The following APOB variants were observed in gnomAD, a reference collection of about 807,000 sequenced individuals.
APOB encodes the protein apolipoprotein B.
A neutral mutation model predicts 314.1 loss-of-function variants in APOB; 153 were observed. The ratio of observed to expected loss-of-function variants is 0.49; its 90% CI spans 0.43 to 0.56. The LOEUF (loss-of-function observed/expected upper bound fraction) is 0.56, where lower values mean the gene tolerates loss of function less well. Ranked by LOEUF, APOB falls within the 20% of genes least tolerant of loss-of-function variation. The pLI is 0.00. For synonymous variants in APOB, 2,087 were observed against 2,036.4 expected (o/e 1.02, Z -0.67); for missense variants, 5,430 against 5,350.7 (o/e 1.01, Z -0.46).
rs527267881 is a variant in APOB, at chr2:21,016,001, A to C, written c.3332+438T>G. The stretch of plus-strand genomic sequence containing the variant: ...ACATGCGCAGAGGGTTAAAATGTTG[A>C]GAGCTTGGCCGGGTGCAGTGGCTTA... On this transcript the variant is annotated intron_variant, in intron 21 of 28. Coordinates refer to ENST00000233242, the MANE Select transcript of APOB (RefSeq NM_000384.3). Among the ~76,000 whole-genome samples the C allele has an allele frequency of 7.2e-5, 11 of 152,330 alleles. No individual in the cohort carries two copies. In the South Asian group the frequency reaches 2.3e-3, roughly 32 times the overall value.
chr2:21,027,977 A>G lies in APOB; in HGVS notation c.1918T>C (p.Tyr640His). 6.2e-7 allele frequency: 1 copy of G among 1,614,116 alleles called. No homozygotes were observed. Among genetic ancestry groups the G allele is most frequent in the Non-Finnish European group, 8.5e-7 (1 of 1,179,918 alleles). The part of the protein sequence containing the change: ...FRKFSRNYQL[Y>H]KSVSLPSLDP... ...AGTGATGGAAGAGAAACAGATTTGT[A>G]GAGTTGATAGTTCCGAGAGAATTTT... The change falls in exon 14 of 29, where the codon TAC becomes CAC. Residue 640 changes from tyrosine to histidine, a missense_variant. This residue lies in a region of APOB where 2,085 missense variants were observed against 2,079.7 expected (regional missense o/e 1.00). Coordinates refer to ENST00000233242, the MANE Select transcript of APOB (RefSeq NM_000384.3).
rs1305085221 is a variant in APOB at position 21,013,458 on chromosome 2, G to A, written c.3918C>T (p.Ser1306=). ...IEIPLPFGGK[S]SRDLKMLETV... ...TCTCTAACATCTTTAGATCTCTGGA[G>A]GATTTGCCACCAAAAGGCAAAGGAA... The change falls in exon 25 of 29, where the codon TCC becomes TCT. Residue 1306 remains serine, a synonymous_variant. Coordinates refer to ENST00000233242, the MANE Select transcript of APOB (RefSeq NM_000384.3). The A allele has an allele frequency of 6.2e-7, 1 of 1,614,186 alleles. No individual in the cohort carries two copies. Among genetic ancestry groups the A allele is most frequent in the Non-Finnish European group, 8.5e-7 (1 of 1,180,024 alleles).
At position 21,009,625 on chromosome 2, in the gene APOB, C is replaced by T. The variant is rs1318251389; in HGVS notation, c.7243G>A (p.Asp2415Asn). 6.2e-7 allele frequency: 1 copy of T among 1,613,784 alleles called. No homozygotes were observed. The change falls in exon 26 of 29, where the codon GAT (aspartate) becomes AAT (asparagine). Residue 2415 changes from aspartate to asparagine, a missense_variant. Physicochemically the swap from Asp to Asn is conservative, Grantham distance 23. Transcript: ENST00000233242. ...NELSFKTFIE[D>N]VNKFLDMLIK... Reference sequence around the variant, plus strand: ...AACATGTCAAGGAATTTGTTAACATCTTCAATGAATGTTTTAAAAGATAAT... The same window carrying T: ...AACATGTCAAGGAATTTGTTAACATTTTCAATGAATGTTTTAAAAGATAAT...
rs935727658 is a variant in APOB at position 21,043,928 on chromosome 2, G to A, written c.18C>T (p.Pro6=). The change falls in exon 1 of 29, where the codon CCC becomes CCT. Residue 6 remains proline (P), a synonymous_variant. Transcript: ENST00000233242. ...GCAGCGCCAGCAGCGCCAGCAGCGC[G>A]GGCCTCGGCGGGTCCATCGCCAGCT... MDPPR[P]ALLALLALPA... 7.8e-7 allele frequency: 1 copy of A among 1,285,418 alleles called. No homozygotes were observed. 79.6% of individuals were successfully genotyped at this position (1,285,418 alleles called of 1,614,324 possible).
rs528903704 is a variant in APOB, at chr2:21,036,990, ACAGC to A, written c.693+106_693+109del. The A allele has an allele frequency of 7.0e-4, 978 of 1,397,956 alleles. 2 individuals carry two copies. The highest frequency in any genetic ancestry group is 1.7e-3 in the Middle Eastern group (7 of 4,166). The allele number at this position is 1,397,956 out of a possible 1,614,324, so 86.6% of individuals were successfully genotyped here. On this transcript the variant is annotated intron_variant, in intron 6 of 28. Coordinates refer to ENST00000233242, the MANE Select transcript of APOB (RefSeq NM_000384.3). ...GTCCTATCTCTAGTCTGTATAAAAAACAGCCAGGGCAGGCTGTCCTCAAAGGTGC... is the reference window on the plus strand; with the variant it reads ...GTCCTATCTCTAGTCTGTATAAAAAACAGGGCAGGCTGTCCTCAAAGGTGC...
chr2:21,042,587 C>T (rs1232261779), intron 2 of APOB, 111 bp from the exon 3 acceptor site: 2 of 786,858 alleles, frequency 2.5e-6, no homozygotes, highest in Non-Finnish European at 4.5e-6. Context: ...GGTAATTCAA[C>T]TCAAATTATT....
At chr2:21,029,812 C>T in intron 11 of APOB, 27 bp from the exon 12 acceptor site, 1 of 1,613,824 alleles carries the variant, frequency 6.2e-7, no homozygotes. Flanking sequence ...AAACAAGAAC[C>T]CATCAGGGTG....
chr2:21,007,541 G>T lies in APOB; in HGVS notation c.9327C>A (p.Asn3109Lys). ...NQNFSAGNNE[N>K]IMEAHVGING... ...TTATTCCTACATGGGCCTCCATAATGTTCTCGTTGTTTCCAGCAGAGAAAT... is the reference window on the plus strand; with the variant it reads ...TTATTCCTACATGGGCCTCCATAATTTTCTCGTTGTTTCCAGCAGAGAAAT... The change falls in exon 26 of 29, where the codon AAC becomes AAA. Residue 3109 changes from asparagine to lysine, a missense_variant. Asn to Lys is a moderately conservative substitution (Grantham distance 94). Around this residue, in one of 3 missense-constraint regions of APOB, gnomAD observed 3,281 missense variants for 3,171.0 expected, o/e 1.03. Transcript: ENST00000233242. 1 of 1,614,020 alleles carries T rather than the reference G, an allele frequency of 6.2e-7. No homozygotes were observed. Among genetic ancestry groups the T allele is most frequent in the Non-Finnish European group, 8.5e-7 (1 of 1,179,944 alleles).
chr2:21,035,188 A>G (rs896241277), intron 7 of APOB, among the ~76,000 whole-genome samples: 1 of 152,208 alleles, frequency 6.6e-6, no homozygotes, highest in Admixed American at 6.5e-5. Context: ...CTTCCACAAC[A>G]TAGAGCCAAG....
Position 21,029,919 on chromosome 2 carries a change from A to C in APOB, c.1449T>G (p.Asp483Glu). 1.2e-6 allele frequency: 2 copies of C among 1,613,646 alleles called. No individual in the cohort carries two copies. The highest frequency in any genetic ancestry group is 1.7e-6 in the Non-Finnish European group (2 of 1,179,648). ...TTACCCGCAGAATCAAATAGGTGTAATCTTCATCCCCAGTGCAGTCATCTT... is the reference window on the plus strand; with the variant it reads ...TTACCCGCAGAATCAAATAGGTGTACTCTTCATCCCCAGTGCAGTCATCTT... ...QIQDDCTGDEDYTYLILRVIG... is the reference protein window; with the variant it reads ...QIQDDCTGDEEYTYLILRVIG... Residue 483 changes from aspartate (D) to glutamate (E), a missense_variant, in exon 11 of 29, where the codon GAT (aspartate) becomes GAG (glutamate). By Grantham distance (45) the Asp-to-Glu change is conservative (BLOSUM62 2). Transcript: ENST00000233242.
intron 18 of APOB, among the ~76,000 whole-genome samples, chr2:21,020,954 A>G (rs751058695): frequency 1.3e-5 from 2 of 152,086 alleles, no homozygotes; most frequent in Non-Finnish European, 2.9e-5. Flanking sequence ...TGTCTTCTCC[A>G]TATTTCTGTC....
rs181882915 is a variant in APOB, at chr2:21,025,101, G to A, written c.2268C>T (p.Leu756=). ...HEQDMVNGIM[L]SVEKLIKDLK... ...AATCTTTAATCAGCTTCTCAACACTGAGCATTATTCCATTTACCATATCCT... is the reference window on the plus strand; with the variant it reads ...AATCTTTAATCAGCTTCTCAACACTAAGCATTATTCCATTTACCATATCCT... The change falls in exon 16 of 29, where the codon CTC becomes CTT. Residue 756 remains leucine, a synonymous_variant. Coordinates refer to ENST00000233242, the MANE Select transcript of APOB (RefSeq NM_000384.3). 4.2e-5 allele frequency: 68 copies of A among 1,614,144 alleles called. No homozygotes were observed. In the Admixed American group the frequency reaches 8.5e-4, roughly 20 times the overall value.
chr2:21,005,422 G>A lies in APOB; in HGVS notation c.11446C>T (p.Pro3816Ser). ...SLIPFFEITV[P>S]ESQLTVSQFT... Reference sequence around the variant, plus strand: ...TGGGACACAGTTAACTGAGATTCAGGCACGGTTATCTCAAAAAAGGGAATC... The same window carrying A: ...TGGGACACAGTTAACTGAGATTCAGACACGGTTATCTCAAAAAAGGGAATC... Residue 3816 changes from proline to serine, a missense_variant, in exon 26 of 29, where the codon CCT becomes TCT. Physicochemically the swap from Pro to Ser is moderately conservative, Grantham distance 74. Transcript: ENST00000233242. 1 of 1,614,012 alleles carries A rather than the reference G, an allele frequency of 6.2e-7. No homozygotes were observed. Among genetic ancestry groups the A allele is most frequent in the Non-Finnish European group, 8.5e-7 (1 of 1,179,954 alleles).
In APOB at chr2:21,003,113, C is replaced by G. The variant is rs574791609; in HGVS notation, c.12309G>C (p.Lys4103Asn). 12 of 1,603,404 alleles carry G rather than the reference C, an allele frequency of 7.5e-6. No homozygotes were observed. Among genetic ancestry groups the G allele is most frequent in the Admixed American group, 1.7e-5 (1 of 58,754 alleles). Reference sequence around the variant, plus strand: ...CATTGTTCTGCAGATTTCTTCTCAGCTTTGAAGACACTTCTCTCAGGGTGA... The same window carrying G: ...CATTGTTCTGCAGATTTCTTCTCAGGTTTGAAGACACTTCTCTCAGGGTGA... Reference protein sequence around the residue: ...TGLTLREVSSKLRRNLQNNAE... With the variant: ...TGLTLREVSSNLRRNLQNNAE... The change falls in exon 29 of 29, where the codon AAG becomes AAC. Residue 4103 changes from lysine (K) to asparagine (N), a missense_variant. Coordinates refer to ENST00000233242, the MANE Select transcript of APOB (RefSeq NM_000384.3).
rs756625161 is a variant in APOB at position 21,040,994 on chromosome 2, G to T, written c.327C>A (p.Gly109=). The change falls in exon 4 of 29, where the codon GGC becomes GGA. Residue 109 remains glycine, a synonymous_variant. Coordinates refer to ENST00000233242, the MANE Select transcript of APOB (RefSeq NM_000384.3). ...LKEVYGFNPE[G]KALLKKTKNS... ...TCTTGGTTTTCTTCAGCAAGGCTTT[G>T]CCCTCAGGGTTGAAGCCATACACCT... 10 of 1,613,942 alleles carry T rather than the reference G, an allele frequency of 6.2e-6. No homozygotes were observed. Among genetic ancestry groups the T allele is most frequent in the Non-Finnish European group, 7.6e-6 (9 of 1,179,980 alleles).
Position 21,009,346 on chromosome 2 carries a change from T to C in APOB, c.7522A>G (p.Met2508Val), listed in dbSNP as rs1206439836. 1.2e-6 allele frequency: 2 copies of C among 1,613,998 alleles called. No individual in the cohort carries two copies. Among genetic ancestry groups the C allele is most frequent in the Non-Finnish European group, 1.7e-6 (2 of 1,179,984 alleles). ...AGGGTCTCTCGGAATTTGGCCTTCA[T>C]GTGAGCCAAAGATGCTGAACTTAAA... ...EALSSASLAHMKAKFRETLED... is the reference protein window; with the variant it reads ...EALSSASLAHVKAKFRETLED... The change falls in exon 26 of 29, where the codon ATG (methionine) becomes GTG (valine). Residue 2508 changes from methionine to valine, a missense_variant. Coordinates refer to ENST00000233242, the MANE Select transcript of APOB (RefSeq NM_000384.3).
intron 15 of APOB, 36 bp from the exon 16 acceptor site, chr2:21,025,160 C>T (rs1306781525): frequency 6.3e-7 from 1 of 1,599,122 alleles, no homozygotes; most frequent in Non-Finnish European, 8.5e-7. Context: ...AGTGAGATGT[C>T]AGCAATGTCA....
chr2:21,016,668 G>A lies in APOB; in HGVS notation c.3122-19C>T. On this transcript the variant is annotated intron_variant, in intron 20 of 28. Transcript: ENST00000233242. ...TTCGCACCTGGACGAGTGTATAAGA[G>A]AATCAAGAGATGTGTGGTAAGAAGC... The A allele has an allele frequency of 6.7e-7, 1 of 1,495,670 alleles. No homozygotes were observed. The highest frequency in any genetic ancestry group is 9.3e-7 in the Non-Finnish European group (1 of 1,071,950). The allele number at this position is 1,495,670 out of a possible 1,614,324, so 92.6% of individuals were successfully genotyped here.
rs1480285248 is a variant in APOB at position 21,019,626 on chromosome 2, G to A, written c.2999+97C>T. 3 of 1,299,610 alleles carry A rather than the reference G, an allele frequency of 2.3e-6. No homozygotes were observed. In the African/African-American group the frequency reaches 4.4e-5, roughly 19 times the overall value. 80.5% of individuals were successfully genotyped at this position (1,299,610 alleles called of 1,614,324 possible). A position where few individuals can be genotyped will look rare whatever the true frequency, so the allele number is the denominator to read the frequency against. ...GTGCAAACCCAGAAGGCTAGTGACAGGGTCTTACAACACAGAGTATTTTTT... is the reference window on the plus strand; with the variant it reads ...GTGCAAACCCAGAAGGCTAGTGACAAGGTCTTACAACACAGAGTATTTTTT... On this transcript the variant is annotated intron_variant, in intron 19 of 28. Coordinates refer to ENST00000233242, the MANE Select transcript of APOB (RefSeq NM_000384.3).
Sources: allele counts gnomAD v4.1 joint callset (sites outside exome capture counted in the v4.1 genomes callset), GRCh38; gene constraint gnomAD v4.1.1; regional missense constraint gnomAD v4.1.1; transcripts MANE v1.5; gene names NCBI Gene and HGNC (gene_info 2026-07-23, HGNC 2026-07-21).